AP1G1: variants seen among roughly 807,000 people sequenced by gnomAD.
AP1G1 encodes adaptor related protein complex 1 subunit gamma 1.
In AP1G1, 7 loss-of-function variants were observed where a neutral mutation model predicts 108.3. That is an observed-to-expected ratio of 0.06 (90% confidence interval 0.04 to 0.12). The LOEUF is 0.12. Among genes scored for constraint, AP1G1 ranks in the 10% least tolerant of loss-of-function variants. AP1G1 has a pLI of 1.00. For missense variants in AP1G1, 756 were observed against 1,010.7 expected (o/e 0.75, Z 3.42); for synonymous variants, 379 against 353.5 (o/e 1.07, Z -0.81).
intron 12 of AP1G1, among the ~76,000 whole-genome samples, chr16:71,754,592 T>G (rs1259875415): frequency 6.6e-6 from 1 of 151,700 alleles, no homozygotes; most frequent in Non-Finnish European, 1.5e-5. Flanking sequence ...AGGCCAGGAG[T>G]TCCACACAAA....
At chr16:71,793,997 C>T (rs1174315957) in intron 1 of AP1G1, among the ~76,000 whole-genome samples, 8 of 152,182 alleles carry the variant, frequency 5.3e-5, no homozygotes, top group Non-Finnish European at 1.2e-4. Flanking sequence ...GGATTACAGG[C>T]ATGAGCAACC....
At chr16:71,734,792 T>A in intron 21 of AP1G1, 85 bp from the exon 22 acceptor site, 13 of 1,074,762 alleles carry the variant, frequency 1.2e-5, no homozygotes, top group Non-Finnish European at 1.6e-5. Flanking sequence ...GACACCCAGA[T>A]GATGGGTCAA....
intron 3 of AP1G1, 58 bp downstream of exon 3, chr16:71,774,410 A>C: frequency 6.4e-7 from 1 of 1,566,148 alleles, no homozygotes; most frequent in South Asian, 1.2e-5. Flanking sequence ...TCTCAAAGAA[A>C]ATACAAAAAA....
chr16:71,764,047 T>C (rs12445199), intron 9 of AP1G1, among the ~76,000 whole-genome samples: 1,624 of 152,288 alleles, frequency 0.011, 76 homozygotes, highest in East Asian at 0.073. Flanking sequence ...ATAATGACTT[T>C]ACAGTGGACA....
At chr16:71,787,075 C>T (rs541407839) in intron 2 of AP1G1, among the ~76,000 whole-genome samples, 5 of 151,682 alleles carry the variant, frequency 3.3e-5, no homozygotes, top group Non-Finnish European at 7.4e-5. Flanking sequence ...AATCCCAGAA[C>T]TTTAGGAGGC....
rs1428564350 is a variant in AP1G1 at position 71,756,866 on chromosome 16, C to G, written c.1089-707G>C. 8.9e-5 allele frequency among the ~76,000 whole-genome samples: 13 copies of G among 146,686 alleles called. No homozygotes were observed. In the Admixed American group the frequency reaches 9.0e-4, roughly 10 times the overall value. On this transcript the variant is annotated intron_variant, in intron 11 of 22. Transcript: ENST00000299980. ...CTGAGGTAGGAGAATTGCTTGAACC[C>G]AGGAGACAGAGATTGCAGTGAAGTG...
intron 9 of AP1G1, among the ~76,000 whole-genome samples, chr16:71,762,387 T>C (rs1425304847): frequency 6.6e-6 from 1 of 152,208 alleles, no homozygotes; most frequent in Non-Finnish European, 1.5e-5. Context: ...TGTGACAGCA[T>C]CTTTAGTTCT....
At chr16:71,750,356 C>T in intron 13 of AP1G1, 24 bp from the exon 14 acceptor site, 1 of 1,612,098 alleles carries the variant, frequency 6.2e-7, no homozygotes, top group Non-Finnish European at 8.5e-7. Context: ...CAGACAATTA[C>T]CCCTAGAAAC....
At chr16:71,808,308 G>A (rs1271383905) in intron 1 of AP1G1, 6 of 795,814 alleles carry the variant, frequency 7.5e-6, no homozygotes, top group Non-Finnish European at 1.0e-5. Context: ...TGCAGGGGCA[G>A]GCAGCGATTA....
chr16:71,800,174 T>G, intron 1 of AP1G1, among the ~76,000 whole-genome samples: 2 of 138,404 alleles, frequency 1.4e-5, no homozygotes. Context: ...ACCATCCTGG[T>G]TAACATGGTG....
intron 11 of AP1G1, among the ~76,000 whole-genome samples, chr16:71,756,488 G>A (rs538483329): frequency 6.6e-6 from 1 of 152,002 alleles, no homozygotes; most frequent in South Asian, 2.1e-4. Context: ...AAAAAGAGGG[G>A]CAACAAATAA....
chr16:71,731,149 G>A lies in AP1G1; in HGVS notation c.*1909C>T, dbSNP rs2045471337. ...TTAAAGGCTATTTTTCATTGCACAGGCAGAGCAGTTGTCTGAAATATGCAC... is the reference window on the plus strand; with the variant it reads ...TTAAAGGCTATTTTTCATTGCACAGACAGAGCAGTTGTCTGAAATATGCAC... On this transcript the variant is annotated 3_prime_UTR_variant, in exon 23 of 23. Coordinates refer to ENST00000299980, the MANE Select transcript of AP1G1 (RefSeq NM_001128.6). 6.6e-6 allele frequency: 1 copy of A among 152,484 alleles called. No homozygotes were observed. Among genetic ancestry groups the A allele is most frequent in the Non-Finnish European group, 1.5e-5 (1 of 68,032 alleles). The allele number at this position is 152,484 out of a possible 1,614,324, so 9.4% of individuals were successfully genotyped here. A position where few individuals can be genotyped will look rare whatever the true frequency, so the allele number is the denominator to read the frequency against.
chr16:71,781,858 A>C (rs1249291328), intron 2 of AP1G1, among the ~76,000 whole-genome samples: 1 of 152,202 alleles, frequency 6.6e-6, no homozygotes, highest in Non-Finnish European at 1.5e-5. Flanking sequence ...AGGAGGCTTG[A>C]TCAAATTCAG....
At chr16:71,746,242 C>A (rs1185017248) in intron 17 of AP1G1, among the ~76,000 whole-genome samples, 1 of 152,184 alleles carries the variant, frequency 6.6e-6, no homozygotes, top group African/African-American at 2.4e-5. Context: ...GATCTCTTGA[C>A]CTCGTGATCT....
chr16:71,796,093 T>C lies in AP1G1; in HGVS notation c.-3-6611A>G, dbSNP rs61347030. ...CTCTACTAAAAATACAAAAATTAGT[T>C]GGGAGTGGTGGCGCATGCGTCTGTA... On this transcript the variant is annotated intron_variant, in intron 1 of 22. Transcript: ENST00000299980. 2.4e-3 allele frequency among the ~76,000 whole-genome samples: 372 copies of C among 152,160 alleles called. 2 individuals are homozygous for C. The highest frequency in any genetic ancestry group is 8.0e-3 in the African/African-American group (334 of 41,528).
intron 13 of AP1G1, among the ~76,000 whole-genome samples, chr16:71,750,857 A>T (rs1293703939): frequency 1.3e-5 from 2 of 151,414 alleles, no homozygotes; most frequent in African/African-American, 4.9e-5. Flanking sequence ...ATTTTTAAAA[A>T]TTTTCTCTTT....
intron 6 of AP1G1, among the ~76,000 whole-genome samples, chr16:71,765,947 A>T (rs2031294647): frequency 6.6e-6 from 1 of 152,232 alleles, no homozygotes; most frequent in Non-Finnish European, 1.5e-5. Context: ...TGGCAAAAAC[A>T]TGTTCAGTTT....
At chr16:71,772,757 C>T (rs1036191986) in intron 4 of AP1G1, among the ~76,000 whole-genome samples, 1 of 152,126 alleles carries the variant, frequency 6.6e-6, no homozygotes, top group Non-Finnish European at 1.5e-5. Flanking sequence ...CAATAAAATG[C>T]TTATATCAAC....
At chr16:71,785,606 T>C (rs1230753707) in intron 2 of AP1G1, among the ~76,000 whole-genome samples, 1 of 140,548 alleles carries the variant, frequency 7.1e-6, no homozygotes, top group Non-Finnish European at 1.5e-5. Flanking sequence ...AAAAGTGGGC[T>C]GGGAATGGTG....
Sources: allele counts gnomAD v4.1 joint callset (sites outside exome capture counted in the v4.1 genomes callset), GRCh38; gene constraint gnomAD v4.1.1; transcripts MANE v1.5; gene names NCBI Gene and HGNC (gene_info 2026-07-23, HGNC 2026-07-21).